AP3S2: variants seen among roughly 807,000 people sequenced by gnomAD.
AP3S2 encodes the protein AP-3 complex subunit sigma-2.
In AP3S2, 22 loss-of-function variants were observed where a neutral mutation model predicts 23.4. That is an observed-to-expected ratio of 0.94 (90% CI 0.67 to 1.34). The LOEUF is 1.34. Among genes scored for constraint, AP3S2 ranks in the 40% most tolerant of loss-of-function variants. The probability of loss-of-function intolerance (pLI) is 0.00; values close to 1 mark genes in which losing one functional copy is unlikely to be tolerated. For synonymous variants in AP3S2, 86 were observed against 87.1 expected, an observed-to-expected ratio of 0.99 and a Z score of 0.07; for missense variants, 241 against 236.9, an observed-to-expected ratio of 1.02 and a Z score of -0.11.
intron 4 of AP3S2, among the ~76,000 whole-genome samples, chr15:89,856,505 C>G (rs887033276): frequency 6.6e-6 from 1 of 151,858 alleles, no homozygotes; most frequent in African/African-American, 2.4e-5. Context: ...TCAAGACTAG[C>G]CTGGCCAAGA....
chr15:89,860,064 C>T (rs1382940890), intron 4 of AP3S2, among the ~76,000 whole-genome samples: 2 of 152,094 alleles, frequency 1.3e-5, no homozygotes, highest in Non-Finnish European at 2.9e-5. Flanking sequence ...CATGACCAGC[C>T]GATCTCTGTC....
chr15:89,836,675 T>G (rs183971780), intron 5 of AP3S2, among the ~76,000 whole-genome samples: 2 of 152,326 alleles, frequency 1.3e-5, no homozygotes, highest in African/African-American at 4.8e-5. Context: ...ATTGCCTTCT[T>G]TCCGGATACC....
chr15:89,846,589 C>T (rs541107716), intron 4 of AP3S2, among the ~76,000 whole-genome samples: 24 of 151,652 alleles, frequency 1.6e-4, no homozygotes, highest in Admixed American at 7.9e-4. Context: ...TGCAGTGGTG[C>T]GATCTCGGCT....
At chr15:89,885,792 T>C (rs1896685002) in intron 3 of AP3S2, among the ~76,000 whole-genome samples, 1 of 151,840 alleles carries the variant, frequency 6.6e-6, no homozygotes, top group Admixed American at 6.6e-5. Flanking sequence ...ATTCAAAAAA[T>C]TAGCCAGATG....
intron 1 of AP3S2, 58 bp downstream of exon 1, chr15:89,893,823 A>T: frequency 6.5e-7 from 1 of 1,535,334 alleles, no homozygotes; most frequent in Non-Finnish European, 8.8e-7. Context: ...GAGGCCAAAG[A>T]GGAGGGAAGA....
At chr15:89,846,773 G>T (rs1382702987) in intron 4 of AP3S2, among the ~76,000 whole-genome samples, 1 of 152,114 alleles carries the variant, frequency 6.6e-6, no homozygotes, top group Non-Finnish European at 1.5e-5. Context: ...TGATCCGCCT[G>T]CCTCGGCCTC....
intron 3 of AP3S2, among the ~76,000 whole-genome samples, chr15:89,887,833 G>T (rs1359452601): frequency 2.0e-5 from 3 of 152,116 alleles, no homozygotes; most frequent in Non-Finnish European, 4.4e-5. Context: ...ACCATGCCTG[G>T]ATAATTTTTG....
rs368571089 is a variant in AP3S2, at chr15:89,866,261, C to CAAAAA, written c.345+5209_345+5213dup. Among the ~76,000 whole-genome samples the CAAAAA allele has an allele frequency of 4.2e-3, 365 of 87,652 alleles. 22 individuals carry two copies. Among genetic ancestry groups the CAAAAA allele is most frequent in the African/African-American group, 0.017 (350 of 20,776 alleles). 57.5% of individuals were successfully genotyped at this position (87,652 alleles called of 152,430 possible). A position where few individuals can be genotyped will look rare whatever the true frequency, so the allele number is the denominator to read the frequency against. ...TGGGCAACAGAGCGAGACTCCGTCT[C>CAAAAA]AAAAAAAAAAAAAAAAAAAAGTCAC... On this transcript the variant is annotated intron_variant, in intron 4 of 5. Coordinates refer to ENST00000336418, the MANE Select transcript of AP3S2 (RefSeq NM_005829.5).
At chr15:89,861,983 A>C (rs1422541427) in intron 4 of AP3S2, among the ~76,000 whole-genome samples, 1 of 152,156 alleles carries the variant, frequency 6.6e-6, no homozygotes, top group Non-Finnish European at 1.5e-5. Flanking sequence ...ACTACAAAAT[A>C]AGTAGGAGTG....
chr15:89,838,340 C>T (rs1895244581), intron 4 of AP3S2, among the ~76,000 whole-genome samples: 1 of 152,224 alleles, frequency 6.6e-6, no homozygotes, highest in African/African-American at 2.4e-5. Flanking sequence ...CTCCTCACCT[C>T]ATTTCTTACT....
chr15:89,858,421 ACAAGAGCGAAACT>A (rs940429986), intron 4 of AP3S2, among the ~76,000 whole-genome samples: 4 of 151,552 alleles, frequency 2.6e-5, no homozygotes, highest in African/African-American at 9.7e-5. Context: ...AACCTGGGCA[ACAAGAGCGAAACT>A]CCATCTCAAA....
At position 89,862,428 on chromosome 15, in the gene AP3S2, T is replaced by C. The variant is rs144826721; in HGVS notation, c.345+9047A>G. On this transcript the variant is annotated intron_variant, in intron 4 of 5. Transcript: ENST00000336418. Reference sequence around the variant, plus strand: ...AGAATATCCTTGCTCTTAGGAGATATTTATTGACATATTTAGGGATGAAAA... The same window carrying C: ...AGAATATCCTTGCTCTTAGGAGATACTTATTGACATATTTAGGGATGAAAA... Among the ~76,000 whole-genome samples the C allele has an allele frequency of 2.6e-3, 390 of 152,308 alleles. 2 individuals carry two copies. Among genetic ancestry groups the C allele is most frequent in the African/African-American group, 9.0e-3 (375 of 41,558 alleles).
intron 3 of AP3S2, among the ~76,000 whole-genome samples, chr15:89,881,688 G>A (rs1567186727): frequency 6.6e-6 from 1 of 152,136 alleles, no homozygotes; most frequent in Non-Finnish European, 1.5e-5. Context: ...GAAAAAGGAA[G>A]CATGATTAAT....
intron 3 of AP3S2, among the ~76,000 whole-genome samples, chr15:89,876,278 G>GCAC (rs1896441289): frequency 6.6e-6 from 1 of 152,110 alleles, no homozygotes; most frequent in Non-Finnish European, 1.5e-5. Context: ...AATTAGCCAG[G>GCAC]CGTGGTGATG....
intron 3 of AP3S2, among the ~76,000 whole-genome samples, chr15:89,879,559 A>G (rs941164833): frequency 1.3e-5 from 2 of 152,232 alleles, no homozygotes; most frequent in African/African-American, 4.8e-5. Context: ...AACTTAAATG[A>G]TGAAAAAGAA....
Position 89,881,867 on chromosome 15 carries a change from C to T in AP3S2, c.273+6654G>A, listed in dbSNP as rs144464839. Among the ~76,000 whole-genome samples the T allele has an allele frequency of 1.7e-3, 263 of 151,156 alleles. 1 individual carries two copies. The highest frequency in any genetic ancestry group is 2.0e-3 in the Non-Finnish European group (136 of 67,878). Reference sequence around the variant, plus strand: ...TGGAGTCTCACTGTTGTCGCCCAGGCTGGAGCGCAATGGCACGATCTCAGC... The same window carrying T: ...TGGAGTCTCACTGTTGTCGCCCAGGTTGGAGCGCAATGGCACGATCTCAGC... On this transcript the variant is annotated intron_variant, in intron 3 of 5. Transcript: ENST00000336418.
chr15:89,853,172 G>A (rs979662296), intron 4 of AP3S2, among the ~76,000 whole-genome samples: 1 of 152,170 alleles, frequency 6.6e-6, no homozygotes, highest in Admixed American at 6.6e-5. Flanking sequence ...ACATCAGCAA[G>A]GGAGTTAGTA....
chr15:89,861,911 C>T (rs946772933), intron 4 of AP3S2, among the ~76,000 whole-genome samples: 11 of 152,156 alleles, frequency 7.2e-5, no homozygotes, highest in African/African-American at 2.2e-4. Flanking sequence ...TTGAGCAGCA[C>T]TTGAATGACA....
rs749767226 is a variant in AP3S2, at chr15:89,893,960, C to T, written c.-11G>A. ...AATCGCCTGAATCATCTTTGCCAGC[C>T]ACGGTTCTCTCAGCACCGGCTACTC... On this transcript the variant is annotated 5_prime_UTR_variant, in exon 1 of 6. Coordinates refer to ENST00000336418, the MANE Select transcript of AP3S2 (RefSeq NM_005829.5). The T allele has an allele frequency of 3.1e-5, 48 of 1,551,158 alleles. No homozygotes were observed. The highest frequency in any genetic ancestry group is 4.2e-5 in the Non-Finnish European group (48 of 1,146,974).
Sources: allele counts gnomAD v4.1 joint callset (sites outside exome capture counted in the v4.1 genomes callset), GRCh38; gene constraint gnomAD v4.1.1; transcripts MANE v1.5; gene names NCBI Gene and HGNC (gene_info 2026-07-23, HGNC 2026-07-21).